Variants in CASD1 observed in about 807,000 individuals in gnomAD.
The protein encoded by CASD1 is CAS1 domain sialic acid O acetyltransferase 1.
CASD1 carries 41 observed loss-of-function variants against 100.0 expected under a neutral mutation model. The ratio of observed to expected loss-of-function variants is 0.41; its 90% confidence interval spans 0.32 to 0.53. The LOEUF (loss-of-function observed/expected upper bound fraction) is 0.53. CASD1 is among the 20% of genes least tolerant of loss of function. The pLI is 0.25. For missense variants in CASD1, 774 were observed against 948.7 expected (o/e 0.82, Z 2.42); for synonymous variants, 321 against 315.6 (o/e 1.02, Z -0.18).
rs1796225872 is a variant in CASD1, at chr7:94,556,838, T to G, written c.*1080T>G. 6.6e-6 allele frequency: 1 copy of G among 152,062 alleles called. No individual in the cohort carries two copies. Among genetic ancestry groups the G allele is most frequent in the African/African-American group, 2.4e-5 (1 of 41,454 alleles). The allele number at this position is 152,062 out of a possible 1,614,324, so 9.4% of individuals were successfully genotyped here. On this transcript the variant is annotated 3_prime_UTR_variant, in exon 18 of 18. Transcript: ENST00000297273. ...TTATTTATCTGTTGTACAGATTTGA[T>G]TATGATTTTAATGTTTGAAAGATTG...
At chr7:94,588,701 G>C in the CASD1 span, 4 of 1,605,802 alleles carry the variant, frequency 2.5e-6, no homozygotes. Flanking sequence ...GTAGTCTGCT[G>C]TTGGGGAATC....
At chr7:94,585,548 T>TTA in the CASD1 span, 2 of 1,486,382 alleles carry the variant, frequency 1.3e-6, no homozygotes, top group Non-Finnish European at 1.9e-6. Context: ...TGGGCAGGAG[T>TTA]TAGTCAGGGC....
At chr7:94,629,457 A>C in the CASD1 span, 1 of 382,046 alleles carries the variant, frequency 2.6e-6, no homozygotes, top group Non-Finnish European at 4.9e-6. Context: ...TTCCATGTGA[A>C]TATAGGTAGA....
chr7:94,513,662 A>G (rs1040063967), intron 1 of CASD1, among the ~76,000 whole-genome samples: 2 of 152,222 alleles, frequency 1.3e-5, no homozygotes, highest in Non-Finnish European at 1.5e-5. Context: ...AATAATTGGT[A>G]TCTGCCTACC....
rs1461528688 is a variant in CASD1 at position 94,528,685 on chromosome 7, G to A, written c.459+435G>A. Among the ~76,000 whole-genome samples, 3 of 151,996 alleles carry A rather than the reference G, an allele frequency of 2.0e-5. No homozygotes were observed. In the East Asian group the frequency reaches 5.8e-4, roughly 29 times the overall value. On this transcript the variant is annotated intron_variant, in intron 5 of 17. Transcript: ENST00000297273. ...CTTTTATTATTATATTTGTGACCCA[G>A]CAGGCAAGACTAATATGTTTTAGCT...
the CASD1 span, among the ~76,000 whole-genome samples, chr7:94,580,013 G>A: frequency 6.6e-6 from 1 of 152,088 alleles, no homozygotes; most frequent in Non-Finnish European, 1.5e-5. Flanking sequence ...AAGTATCAAT[G>A]TAACAACAAC....
the CASD1 span, among the ~76,000 whole-genome samples, chr7:94,582,433 CAT>C: frequency 4.3e-4 from 65 of 152,208 alleles, no homozygotes; most frequent in African/African-American, 1.2e-3. Flanking sequence ...AGCTTTTTTT[CAT>C]ATGTTTTTTG....
At chr7:94,539,108 A>G (rs771425142) in intron 10 of CASD1, 52 bp downstream of exon 10, 21 of 1,119,888 alleles carry the variant, frequency 1.9e-5, no homozygotes, top group Admixed American at 7.3e-5. Context: ...TGTCATTTTA[A>G]TGTTTCTTTA....
chr7:94,561,044 G>A (rs540867247), downstream of CASD1, among the ~76,000 whole-genome samples: 8 of 152,182 alleles, frequency 5.3e-5, no homozygotes, highest in Middle Eastern at 3.4e-3. Context: ...GTCCTGGTTC[G>A]TGACCAGCCT....
chr7:94,548,827 T>C (rs1795807709), intron 13 of CASD1, among the ~76,000 whole-genome samples: 1 of 151,928 alleles, frequency 6.6e-6, no homozygotes, highest in East Asian at 1.9e-4. Context: ...TGTTCTCTTC[T>C]TTGAAAGACT....
At chr7:94,587,491 T>C in the CASD1 span, 1 of 1,287,796 alleles carries the variant, frequency 7.8e-7, no homozygotes, top group East Asian at 3.2e-5. Context: ...ATTTCTATCG[T>C]AGAAGTATTC....
the CASD1 span, among the ~76,000 whole-genome samples, chr7:94,568,276 A>G: frequency 6.6e-6 from 1 of 152,146 alleles, no homozygotes. Flanking sequence ...CAAGTCAGTT[A>G]CAAAAAAGAT....
At chr7:94,569,695 C>A in the CASD1 span, among the ~76,000 whole-genome samples, 10 of 152,102 alleles carry the variant, frequency 6.6e-5, no homozygotes, top group Non-Finnish European at 1.2e-4. Context: ...CCTCCCACCT[C>A]AGCCTCCCAA....
intron 13 of CASD1, among the ~76,000 whole-genome samples, chr7:94,547,927 C>A (rs899630995): frequency 3.3e-5 from 5 of 151,642 alleles, no homozygotes; most frequent in Non-Finnish European, 7.4e-5. Flanking sequence ...TATGTATAAT[C>A]CTATGCCGTT....
intron 7 of CASD1, among the ~76,000 whole-genome samples, chr7:94,534,547 G>A (rs533058617): frequency 1.1e-3 from 170 of 152,130 alleles, no homozygotes; most frequent in South Asian, 2.5e-3. Flanking sequence ...ACACCATCTG[G>A]TTTATGCTTG....
the CASD1 span, chr7:94,587,736 A>G: frequency 6.5e-7 from 1 of 1,533,958 alleles, no homozygotes. Flanking sequence ...TCTGATAAAC[A>G]TCTTGTAATT....
In CASD1 at chr7:94,535,456, T is replaced by G; in HGVS notation, c.776T>G (p.Leu259Ter). The G allele has an allele frequency of 6.2e-7, 1 of 1,613,748 alleles. No individual in the cohort carries two copies. Among genetic ancestry groups the G allele is most frequent in the Non-Finnish European group, 8.5e-7 (1 of 1,179,796 alleles). ...GTTAAGATGTTCAGTGTTTCCAAAT[T>G]AATTGCTCAAGAAACCATCATGGAA... ...SNVKMFSVSKLIAQETIMESL... is the reference protein window; with the variant it reads ...SNVKMFSVSK Residue 259 changes from leucine to a stop codon, truncating the protein, a stop_gained, in exon 8 of 18, where the codon TTA becomes TGA. Transcript: ENST00000297273. LOFTEE classifies it high-confidence loss of function.
At chr7:94,582,379 T>G in the CASD1 span, among the ~76,000 whole-genome samples, 1 of 152,350 alleles carries the variant, frequency 6.6e-6, no homozygotes, top group East Asian at 1.9e-4. Context: ...CGCCTCGGCC[T>G]CCCAAAGTGC....
At chr7:94,533,611 G>C in intron 6 of CASD1, 68 bp from the exon 7 acceptor site, 1 of 1,181,706 alleles carries the variant, frequency 8.5e-7, no homozygotes, top group South Asian at 1.9e-5. Context: ...TGTTACAGTA[G>C]GTAAATTATA....
Sources: gnomAD v4.1 joint callset for allele counts (sites outside exome capture counted in the v4.1 genomes callset) on GRCh38, gnomAD v4.1.1 for gene constraint, MANE v1.5 for transcripts, NCBI Gene and HGNC (gene_info 2026-07-23, HGNC 2026-07-21) for gene names.